The following TRIML2 variants were observed in gnomAD, a reference collection of about 807,000 sequenced individuals.
TRIML2 encodes probable E3 ubiquitin-protein ligase TRIML2.
Under a neutral mutation model 31.2 loss-of-function variants are expected in TRIML2, and 28 were observed. That is an observed-to-expected ratio of 0.90 (90% CI 0.66 to 1.23). The LOEUF is 1.23. Among genes scored for constraint, TRIML2 ranks in the 50% most tolerant of loss-of-function variants. The probability of loss-of-function intolerance (pLI) is 0.00; values close to 1 mark genes in which losing one functional copy is unlikely to be tolerated. For synonymous variants in TRIML2, 187 were observed against 197.5 expected (o/e 0.95, Z 0.45); for missense variants, 536 against 528.3 (o/e 1.01, Z -0.14).
intron 1 of TRIML2, among the ~76,000 whole-genome samples, chr4:188,108,852 A>C (rs1734138106): frequency 6.6e-6 from 1 of 152,174 alleles, no homozygotes; most frequent in South Asian, 2.1e-4. Context: ...CTTAGTAGCG[A>C]AAAGATTTTA....
At chr4:188,096,871 G>A (rs1733542465) in intron 7 of TRIML2, among the ~76,000 whole-genome samples, 190 bp downstream of exon 7, 1 of 152,006 alleles carries the variant, frequency 6.6e-6, no homozygotes, top group Non-Finnish European at 1.5e-5. Flanking sequence ...TGGTTAGGCT[G>A]GTCTCGAACT....
At chr4:188,099,614 G>A (rs937617064) in intron 4 of TRIML2, among the ~76,000 whole-genome samples, 10 of 150,052 alleles carry the variant, frequency 6.7e-5, no homozygotes, top group Admixed American at 1.3e-4. Context: ...CTGCTTTTCT[G>A]CCTGCTACCC....
intron 7 of TRIML2, 89 bp downstream of exon 7, chr4:188,096,972 C>A: frequency 9.7e-7 from 1 of 1,029,186 alleles, no homozygotes; most frequent in Non-Finnish European, 1.5e-6. Context: ...TGTTAAACTA[C>A]TGGAATTTGT....
intron 1 of TRIML2, among the ~76,000 whole-genome samples, chr4:188,107,670 A>G (rs1057481418): frequency 6.6e-6 from 1 of 152,204 alleles, no homozygotes; most frequent in Non-Finnish European, 1.5e-5. Context: ...CATCTGTTAT[A>G]TTATTAATAT....
At chr4:188,101,991 T>G (rs12503686) in intron 3 of TRIML2, among the ~76,000 whole-genome samples, 18,094 of 148,642 alleles carry the variant, frequency 0.12, 1,652 homozygotes, top group East Asian at 0.52. Flanking sequence ...TTAGCCGGGC[T>G]TGGTGGCGGG....
chr4:188,097,127 CGGG>C lies in TRIML2; in HGVS notation c.676_678del (p.Pro226del). The stretch of plus-strand genomic sequence containing the variant: ...CATAAACTCAGGTCTGTGATATGAG[CGGG>C]CTCCAGATGCTCAAGCAGCAGTGAC... On this transcript the variant is annotated inframe_deletion, in exon 7 of 8. Coordinates refer to ENST00000682553, the MANE Select transcript of TRIML2 (RefSeq NM_173553.4). 3.7e-6 allele frequency: 6 copies of C among 1,614,066 alleles called. No homozygotes were observed. The highest frequency in any genetic ancestry group is 5.1e-6 in the Non-Finnish European group (6 of 1,179,980).
At chr4:188,092,066 G>A (rs1733288216) in intron 7 of TRIML2, 125 bp from the exon 8 acceptor site, 7 of 960,892 alleles carry the variant, frequency 7.3e-6, no homozygotes, top group African/African-American at 1.6e-5. Context: ...TACGGGAGAG[G>A]CAATTTGGGA....
intron 7 of TRIML2, among the ~76,000 whole-genome samples, chr4:188,094,558 A>G (rs1335622506): frequency 6.6e-6 from 1 of 152,198 alleles, no homozygotes; most frequent in East Asian, 1.9e-4. Context: ...AAAACATAAA[A>G]TACTTAGGGA....
chr4:188,091,561 A>G lies in TRIML2; in HGVS notation c.1126T>C (p.Cys376Arg). The G allele has an allele frequency of 6.2e-7, 1 of 1,614,174 alleles. No homozygotes were observed. The highest frequency in any genetic ancestry group is 8.5e-7 in the Non-Finnish European group (1 of 1,180,042). ...TAGAATGATATCTGCCCGTGTTCGC[A>G]GTCAAGGAAAACGCCAACTGTGTCC... ...KLDTVGVFLD[C>R]EHGQISFYNV... Residue 376 changes from cysteine to arginine, a missense_variant, in exon 8 of 8, where the codon TGC (cysteine) becomes CGC (arginine). By Grantham distance (180) the Cys-to-Arg change is radical. Coordinates refer to ENST00000682553, the MANE Select transcript of TRIML2 (RefSeq NM_173553.4).
At chr4:188,099,835 A>C (rs1733694281) in intron 4 of TRIML2, among the ~76,000 whole-genome samples, 1 of 152,140 alleles carries the variant, frequency 6.6e-6, no homozygotes, top group African/African-American at 2.4e-5. Flanking sequence ...TTTTTTCATT[A>C]ACTTGAAATC....
At chr4:188,107,840 T>C (rs890969777) in intron 1 of TRIML2, among the ~76,000 whole-genome samples, 1 of 152,106 alleles carries the variant, frequency 6.6e-6, no homozygotes, top group South Asian at 2.1e-4. Flanking sequence ...TTCCTGTAAA[T>C]TGTGTGAGTT....
chr4:188,097,065 G>A lies in TRIML2; in HGVS notation c.741C>T (p.Leu247=), dbSNP rs1294191921. 11 of 1,609,734 alleles carry A rather than the reference G, an allele frequency of 6.8e-6. No individual in the cohort carries two copies. The highest frequency in any genetic ancestry group is 9.4e-6 in the Non-Finnish European group (11 of 1,176,218). ...IRGLSSMFRV[L]QRHLTLDPET... ...TATTCACATGTGTCAACTTACTCTGGAGTACTCTGAACATGCTGCTGAGTC... is the reference window on the plus strand; with the variant it reads ...TATTCACATGTGTCAACTTACTCTGAAGTACTCTGAACATGCTGCTGAGTC... The change falls in exon 7 of 8, where the codon CTC becomes CTT. Residue 247 remains leucine, a synonymous_variant. Transcript: ENST00000682553.
chr4:188,105,291 T>C lies in TRIML2; in HGVS notation c.78A>G (p.Thr26=). The C allele has an allele frequency of 3.1e-6, 5 of 1,612,074 alleles. No individual in the cohort carries two copies. Among genetic ancestry groups the C allele is most frequent in the Non-Finnish European group, 2.5e-6 (3 of 1,178,370 alleles). Residue 26 remains threonine (T), a synonymous_variant, in exon 2 of 8, where the codon ACA becomes ACG. Transcript: ENST00000682553. The stretch of plus-strand genomic sequence containing the variant: ...TTTGGTCAACATCACAGAACAGCCG[T>C]GTTGGTTCCAGGTGTGTTTCACAAT... ...DAYCETHLEP[T]RLFCDVDQIT...
chr4:188,098,368 C>A, intron 5 of TRIML2: 1 of 345,650 alleles, frequency 2.9e-6, no homozygotes, highest in Non-Finnish European at 5.8e-6. Context: ...AGGTCTTCCT[C>A]GGCCTCTTTT....
In TRIML2 at chr4:188,104,839, G is replaced by T; in HGVS notation, c.283C>A (p.Gln95Lys). The change falls in exon 3 of 8, where the codon CAG becomes AAG. Residue 95 changes from glutamine to lysine, a missense_variant and splice_region_variant. By Grantham distance (53) the Gln-to-Lys change is moderately conservative. Coordinates refer to ENST00000682553, the MANE Select transcript of TRIML2 (RefSeq NM_173553.4). ...TDEQERMAMI[Q>K]EEEQNFKKMI... ...AATCAAGATAAGCACTCACTGACCT[G>T]AATCATCGCCATTCTTTCTTGCTCA... 3 of 1,612,840 alleles carry T rather than the reference G, an allele frequency of 1.9e-6. No homozygotes were observed. The highest frequency in any genetic ancestry group is 1.7e-6 in the Non-Finnish European group (2 of 1,178,956).
intron 7 of TRIML2, among the ~76,000 whole-genome samples, chr4:188,092,334 C>T (rs531476842): frequency 1.2e-4 from 18 of 152,082 alleles, no homozygotes; most frequent in South Asian, 6.2e-4. Context: ...TGGTGGCAGG[C>T]GCCTGTAATC....
At position 188,101,147 on chromosome 4, in the gene TRIML2, C is replaced by G; in HGVS notation, c.389G>C (p.Cys130Ser). 1 of 1,613,890 alleles carries G rather than the reference C, an allele frequency of 6.2e-7. No individual in the cohort carries two copies. Among genetic ancestry groups the G allele is most frequent in the Non-Finnish European group, 8.5e-7 (1 of 1,179,954 alleles). Residue 130 changes from cysteine (C) to serine (S), a missense_variant, in exon 4 of 8, where the codon TGC becomes TCC. Cys to Ser is a moderately radical substitution (Grantham distance 112). Coordinates refer to ENST00000682553, the MANE Select transcript of TRIML2 (RefSeq NM_173553.4). ...TTCTCTCAGGTTCAAGTCAGATATG[C>G]ATTCCTGCTGTCTCTGGAGATTCTG... The part of the protein sequence containing the change: ...CEQNLQRQQE[C>S]ISDLNLRETL...
chr4:188,094,088 C>A, intron 7 of TRIML2, among the ~76,000 whole-genome samples: 1 of 138,604 alleles, frequency 7.2e-6, no homozygotes, highest in Admixed American at 7.1e-5. Flanking sequence ...CAGACAGCAT[C>A]TCAAAAAACA....
At chr4:188,108,705 C>A (rs912919881) in intron 1 of TRIML2, among the ~76,000 whole-genome samples, 2 of 152,130 alleles carry the variant, frequency 1.3e-5, no homozygotes, top group African/African-American at 4.8e-5. Context: ...CAGAGCTCTT[C>A]TCTCATATTT....
Sources: gnomAD v4.1 joint callset for allele counts (sites outside exome capture counted in the v4.1 genomes callset) on GRCh38, gnomAD v4.1.1 for gene constraint, MANE v1.5 for transcripts, NCBI Gene and HGNC (gene_info 2026-07-23, HGNC 2026-07-21) for gene names.